Variants in MTUS2 observed in about 807,000 individuals in gnomAD.
The protein encoded by MTUS2 is microtubule associated scaffold protein 2, also known as microtubule-associated tumor suppressor candidate 2.
Under a neutral mutation model 114.1 loss-of-function variants are expected in MTUS2, and 40 were observed. The ratio of observed to expected loss-of-function variants is 0.35; its 90% CI spans 0.27 to 0.46. The LOEUF is 0.46. Among genes scored for constraint, MTUS2 ranks in the 20% least tolerant of loss-of-function variants. The pLI is 1.00. For synonymous variants in MTUS2, 688 were observed against 672.0 expected, an observed-to-expected ratio of 1.02 and a Z score of -0.37; for missense variants, 1,679 against 1,705.4, an observed-to-expected ratio of 0.98 and a Z score of 0.27.
At chr13:28,940,203 G>A (rs902900766) in intron 2 of MTUS2, among the ~76,000 whole-genome samples, 1 of 152,152 alleles carries the variant, frequency 6.6e-6, no homozygotes, top group Admixed American at 6.6e-5. Flanking sequence ...CAGCCAAAAG[G>A]TGGAAACAAC....
intron 5 of MTUS2, among the ~76,000 whole-genome samples, chr13:29,251,332 C>G (rs1429569658): frequency 2.1e-5 from 3 of 143,140 alleles, no homozygotes; most frequent in Non-Finnish European, 4.5e-5. Context: ...TGCCTACCAT[C>G]TGGCATGGGC....
intron 7 of MTUS2, among the ~76,000 whole-genome samples, chr13:29,331,537 C>A (rs1403130312): frequency 6.6e-6 from 1 of 152,156 alleles, no homozygotes; most frequent in Non-Finnish European, 1.5e-5. Context: ...AAGCTGGAGA[C>A]ATCACACTAC....
At position 28,895,862 on chromosome 13, in the gene MTUS2, C is replaced by T. The variant is rs757555379; in HGVS notation, c.-243+56012C>T. Among the ~76,000 whole-genome samples the T allele has an allele frequency of 3.9e-5, 6 of 152,322 alleles. No homozygotes were observed. In the East Asian group the frequency reaches 9.6e-4, roughly 24 times the overall value. On this transcript the variant is annotated intron_variant, in intron 2 of 15. Transcript: ENST00000612955. Reference sequence around the variant, plus strand: ...CATTTCACATACTCATTTGCCAAAACAGCTAGTGGTAATTCTGTGAGATGG... The same window carrying T: ...CATTTCACATACTCATTTGCCAAAATAGCTAGTGGTAATTCTGTGAGATGG...
intron 8 of MTUS2, among the ~76,000 whole-genome samples, chr13:29,413,258 A>G (rs1333063830): frequency 6.6e-6 from 1 of 152,206 alleles, no homozygotes; most frequent in Non-Finnish European, 1.5e-5. Context: ...TTTAAAGCTC[A>G]AGGGCAATTT....
intron 5 of MTUS2, among the ~76,000 whole-genome samples, chr13:29,270,208 CTTTTACCACCA>C (rs1368865317): frequency 6.6e-6 from 1 of 152,146 alleles, no homozygotes; most frequent in East Asian, 1.9e-4. Flanking sequence ...TTATTAAGTG[CTTTTACCACCA>C]TTTTAAAAAT....
chr13:28,955,926 A>C (rs529386448), intron 2 of MTUS2, among the ~76,000 whole-genome samples: 2 of 151,736 alleles, frequency 1.3e-5, no homozygotes, highest in Admixed American at 1.3e-4. Flanking sequence ...AAAAATTTCC[A>C]GAAGTTATTG....
At chr13:28,923,571 C>A (rs2138061600) in intron 2 of MTUS2, among the ~76,000 whole-genome samples, 1 of 152,314 alleles carries the variant, frequency 6.6e-6, no homozygotes, top group South Asian at 2.1e-4. Context: ...AGTAGCTTCC[C>A]ACAGGCCAGG....
intron 8 of MTUS2, among the ~76,000 whole-genome samples, chr13:29,365,959 T>C (rs1306306503): frequency 6.6e-6 from 1 of 152,236 alleles, no homozygotes; most frequent in African/African-American, 2.4e-5. Flanking sequence ...CCAGAACCTC[T>C]TCCCTGCGAG....
At chr13:29,033,381 C>T (rs1039967106) in intron 3 of MTUS2, among the ~76,000 whole-genome samples, 1 of 152,048 alleles carries the variant, frequency 6.6e-6, no homozygotes, top group Admixed American at 6.6e-5. Flanking sequence ...ATGTTTCCTC[C>T]TTTATTAACA....
chr13:29,134,829 G>T lies in MTUS2; in HGVS notation c.2644+33859G>T, dbSNP rs542265271. ...CCAGGCTCCTGATCTCAGGTGATGC[G>T]CCCGCCTTGACCTTCCAAAGTGCTG... On this transcript the variant is annotated intron_variant, in intron 5 of 15. Transcript: ENST00000612955. Among the ~76,000 whole-genome samples, 31 of 152,188 alleles carry T rather than the reference G, an allele frequency of 2.0e-4. No individual in the cohort carries two copies. The Middle Eastern group carries it at 0.017, about 83-fold the overall frequency.
At chr13:29,332,081 G>A (rs1900807574) in intron 7 of MTUS2, among the ~76,000 whole-genome samples, 1 of 152,226 alleles carries the variant, frequency 6.6e-6, no homozygotes, top group Admixed American at 6.5e-5. Flanking sequence ...CATAAAATGA[G>A]TTAGGGAGGA....
At chr13:29,380,577 G>A (rs893415260) in intron 8 of MTUS2, among the ~76,000 whole-genome samples, 17 of 152,216 alleles carry the variant, frequency 1.1e-4, no homozygotes, top group African/African-American at 3.6e-4. Flanking sequence ...AGGAACACAC[G>A]AGAGGAGATG....
At chr13:29,493,908 T>C (rs1292413007) in intron 12 of MTUS2, among the ~76,000 whole-genome samples, 1 of 152,182 alleles carries the variant, frequency 6.6e-6, no homozygotes, top group East Asian at 1.9e-4. Context: ...CATATGTTTG[T>C]TGTGACTGTC....
intron 5 of MTUS2, among the ~76,000 whole-genome samples, chr13:29,179,040 G>A (rs973213766): frequency 1.3e-5 from 2 of 152,188 alleles, no homozygotes; most frequent in African/African-American, 4.8e-5. Context: ...AAACTGTGCT[G>A]TTGATTGAGA....
chr13:28,949,978 G>A (rs985549099), intron 2 of MTUS2, among the ~76,000 whole-genome samples: 1 of 152,186 alleles, frequency 6.6e-6, no homozygotes, highest in South Asian at 2.1e-4. Flanking sequence ...CCCAGAAGGG[G>A]AATTTCTGGA....
rs376370291 is a variant in MTUS2 at position 29,016,825 on chromosome 13, G to A, written c.-242-7632G>A. On this transcript the variant is annotated intron_variant, in intron 2 of 15. Transcript: ENST00000612955. ...AGAGCTATTATATTTTGTGTTATGTGACACCATACATAGCTGCAGAGTCCC... is the reference window on the plus strand; with the variant it reads ...AGAGCTATTATATTTTGTGTTATGTAACACCATACATAGCTGCAGAGTCCC... 5.9e-5 allele frequency among the ~76,000 whole-genome samples: 9 copies of A among 152,262 alleles called. No homozygotes were observed. The East Asian group carries it at 1.5e-3, about 26-fold the overall frequency.
At chr13:29,030,785 A>C (rs1217119402) in intron 3 of MTUS2, among the ~76,000 whole-genome samples, 1 of 152,094 alleles carries the variant, frequency 6.6e-6, no homozygotes, top group Non-Finnish European at 1.5e-5. Context: ...CCAGCTTCAG[A>C]CTCTTCCATC....
intron 2 of MTUS2, among the ~76,000 whole-genome samples, chr13:28,898,616 A>G (rs1249771505): frequency 6.6e-6 from 1 of 152,218 alleles, no homozygotes; most frequent in Non-Finnish European, 1.5e-5. Flanking sequence ...TCTGAGTGCC[A>G]CACTAGCTGG....
chr13:29,105,548 C>A (rs1375637455), intron 5 of MTUS2, among the ~76,000 whole-genome samples: 1 of 151,930 alleles, frequency 6.6e-6, no homozygotes, highest in Non-Finnish European at 1.5e-5. Context: ...CCTCTCTTTT[C>A]AAATACTGCC....
Sources: gnomAD v4.1 joint callset for allele counts (sites outside exome capture counted in the v4.1 genomes callset) on GRCh38, gnomAD v4.1.1 for gene constraint, MANE v1.5 for transcripts, NCBI Gene and HGNC (gene_info 2026-07-23, HGNC 2026-07-21) for gene names.